Variants in ADGRL3 observed in about 807,000 individuals in gnomAD.
ADGRL3 encodes the protein adhesion G protein-coupled receptor L3, also known as calcium-independent alpha-latrotoxin receptor 3.
A neutral mutation model predicts 153.5 loss-of-function variants in ADGRL3; 62 were observed. That is an observed-to-expected ratio of 0.40 (90% confidence interval 0.33 to 0.50). The LOEUF is 0.50. Ranked by LOEUF, ADGRL3 falls within the 20% of genes least tolerant of loss-of-function variation. The pLI, the probability that ADGRL3 is intolerant of heterozygous loss-of-function variation, is 0.47. For synonymous variants in ADGRL3, 710 were observed against 672.5 expected, an observed-to-expected ratio of 1.06 and a Z score of -0.86; for missense variants, 1,641 against 1,859.4, an observed-to-expected ratio of 0.88 and a Z score of 2.16.
In ADGRL3 at chr4:62,044,482, G is replaced by A. The variant is rs572601129; in HGVS notation, c.3747G>A (p.Thr1249=). ...GAATCCGTAGAATGTGGAATGACAC[G>A]GTTCGAAAGCAGTCAGAGTCTTCCT... ...QSRIRRMWND[T]VRKQSESSFI... is the part of the protein sequence containing the mutation. Residue 1249 remains threonine, a synonymous_variant, in exon 25 of 27, where the codon ACG becomes ACA. Coordinates refer to ENST00000683033, the MANE Select transcript of ADGRL3 (RefSeq NM_001387552.1). The A allele has an allele frequency of 1.6e-4, 249 of 1,596,418 alleles. 4 individuals are homozygous for A. The Middle Eastern group carries it at 3.3e-3, about 21-fold the overall frequency.
At chr4:61,550,277 T>C (rs1194076945) in intron 4 of ADGRL3, among the ~76,000 whole-genome samples, 1 of 151,940 alleles carries the variant, frequency 6.6e-6, no homozygotes, top group African/African-American at 2.4e-5. Flanking sequence ...TGGAACTAAA[T>C]TGTTTTTAAC....
At chr4:61,923,164 T>G in intron 13 of ADGRL3, among the ~76,000 whole-genome samples, 1 of 152,144 alleles carries the variant, frequency 6.6e-6, no homozygotes, top group Non-Finnish European at 1.5e-5. Flanking sequence ...TGGAAAAAAC[T>G]CAAGAGTCTG....
intron 2 of ADGRL3, among the ~76,000 whole-genome samples, chr4:61,488,297 A>C (rs549472109): frequency 6.6e-6 from 1 of 152,204 alleles, no homozygotes; most frequent in Non-Finnish European, 1.5e-5. Flanking sequence ...TATTTAAAAT[A>C]TAATTATAAG....
intron 1 of ADGRL3, among the ~76,000 whole-genome samples, chr4:61,353,011 C>G (rs1024109483): frequency 6.6e-6 from 1 of 151,892 alleles, no homozygotes; most frequent in African/African-American, 2.4e-5. Context: ...CTATTTGGCC[C>G]GAGGTTCGAA....
At position 61,983,606 on chromosome 4, in the gene ADGRL3, A is replaced by G. The variant is rs372093858; in HGVS notation, c.3236+3A>G. The G allele has an allele frequency of 2.5e-6, 4 of 1,608,626 alleles. No individual in the cohort carries two copies. The African/African-American group carries it at 5.4e-5, about 22-fold the overall frequency. On this transcript the variant is annotated splice_donor_region_variant and intron_variant, in intron 19 of 26. Transcript: ENST00000683033. ...AGGAGTTATGGAACAGATAAAGTGT[A>G]AGTTTATTGTTTTCTTTCTTTTTAA...
At chr4:61,846,904 C>A (rs1167647650) in intron 9 of ADGRL3, among the ~76,000 whole-genome samples, 1 of 150,544 alleles carries the variant, frequency 6.6e-6, no homozygotes. Context: ...AAGAACTCAT[C>A]ATCACAACGA....
At chr4:61,234,168 C>T (rs556603967) in intron 1 of ADGRL3, among the ~76,000 whole-genome samples, 131 of 152,180 alleles carry the variant, frequency 8.6e-4, no homozygotes, top group Non-Finnish European at 1.4e-3. Flanking sequence ...TGCTGATAAA[C>T]ACATAACTGA....
intron 2 of ADGRL3, among the ~76,000 whole-genome samples, chr4:61,437,253 A>G (rs2097459231): frequency 6.7e-6 from 1 of 149,814 alleles, no homozygotes; most frequent in South Asian, 2.2e-4. Flanking sequence ...AAACTCCTAT[A>G]TAAAACATAT....
intron 2 of ADGRL3, among the ~76,000 whole-genome samples, chr4:61,460,105 T>A (rs1393659893): frequency 6.6e-6 from 1 of 152,108 alleles, no homozygotes; most frequent in Non-Finnish European, 1.5e-5. Context: ...TCTGTTTTTG[T>A]TTTTGTTGCC....
intron 17 of ADGRL3, among the ~76,000 whole-genome samples, chr4:61,967,858 T>A (rs1189151840): frequency 6.6e-6 from 1 of 152,216 alleles, no homozygotes; most frequent in Non-Finnish European, 1.5e-5. Context: ...ACAGACTGGT[T>A]AATTTATAAA....
intron 6 of ADGRL3, among the ~76,000 whole-genome samples, chr4:61,729,166 A>G (rs1197836727): frequency 2.0e-5 from 3 of 151,998 alleles, no homozygotes; most frequent in Non-Finnish European, 4.4e-5. Flanking sequence ...TTATATATCC[A>G]TGTAACAAAC....
chr4:62,015,029 A>G (rs1246659389), intron 21 of ADGRL3, among the ~76,000 whole-genome samples: 3 of 152,226 alleles, frequency 2.0e-5, no homozygotes, highest in Non-Finnish European at 2.9e-5. Context: ...CTGAAAGTAT[A>G]CAAGTCAGAG....
intron 1 of ADGRL3, among the ~76,000 whole-genome samples, chr4:61,207,372 A>G (rs924683748): frequency 2.6e-5 from 4 of 152,198 alleles, no homozygotes; most frequent in Non-Finnish European, 4.4e-5. Context: ...TGCAAAGGAC[A>G]TGAACTCATC....
intron 13 of ADGRL3, among the ~76,000 whole-genome samples, chr4:61,921,869 G>A (rs2098771264): frequency 6.6e-6 from 1 of 152,146 alleles, no homozygotes; most frequent in African/African-American, 2.4e-5. Context: ...ACACAATAGG[G>A]TAGCATTCTG....
intron 1 of ADGRL3, among the ~76,000 whole-genome samples, chr4:61,270,870 A>G (rs1485795998): frequency 6.6e-6 from 1 of 151,674 alleles, no homozygotes; most frequent in Non-Finnish European, 1.5e-5. Flanking sequence ...TTGTTTTCTA[A>G]GTTCAAATAG....
intron 12 of ADGRL3, among the ~76,000 whole-genome samples, chr4:61,911,526 T>G (rs1377045505): frequency 6.6e-6 from 1 of 152,148 alleles, no homozygotes; most frequent in Non-Finnish European, 1.5e-5. Context: ...CCTGTGGTTC[T>G]CACTTTCCCT....
Position 61,897,108 on chromosome 4 carries a change from G to A in ADGRL3, c.1887+1274G>A, listed in dbSNP as rs545024215. Among the ~76,000 whole-genome samples, 18 of 152,130 alleles carry A rather than the reference G, an allele frequency of 1.2e-4. No homozygotes were observed. In the South Asian group the frequency reaches 3.5e-3, roughly 30 times the overall value. ...TTCTCTGCAGCCCAGCTAATCTTAG[G>A]ACAAAAGATAATTCCTTTCAAAGAC... On this transcript the variant is annotated intron_variant, in intron 11 of 26. Transcript: ENST00000683033.
intron 25 of ADGRL3, among the ~76,000 whole-genome samples, chr4:62,050,629 T>C (rs1733593563): frequency 6.6e-6 from 1 of 152,052 alleles, no homozygotes; most frequent in Non-Finnish European, 1.5e-5. Flanking sequence ...CTAAGTGATG[T>C]TTCACTGCAA....
chr4:61,739,723 C>A (rs918742156), intron 8 of ADGRL3, among the ~76,000 whole-genome samples: 3 of 152,172 alleles, frequency 2.0e-5, no homozygotes, highest in Non-Finnish European at 4.4e-5. Context: ...TCACTCCCCC[C>A]ACCCTGTACC....
Sources: allele counts gnomAD v4.1 joint callset (sites outside exome capture counted in the v4.1 genomes callset), GRCh38; gene constraint gnomAD v4.1.1; transcripts MANE v1.5; gene names NCBI Gene and HGNC (gene_info 2026-07-23, HGNC 2026-07-21).